Variants in BICD1 observed in about 807,000 individuals in gnomAD.
BICD1 encodes the protein protein bicaudal D homolog 1.
BICD1 carries 35 observed loss-of-function variants against 92.5 expected under a neutral mutation model. The ratio of observed to expected loss-of-function variants is 0.38; its 90% CI spans 0.29 to 0.50. The LOEUF (loss-of-function observed/expected upper bound fraction) is 0.50, where lower values mean the gene tolerates loss of function less well. Among genes scored for constraint, BICD1 ranks in the 20% least tolerant of loss-of-function variants. BICD1 has a pLI of 0.93. For missense variants in BICD1, 950 were observed against 1,189.8 expected (o/e 0.80, Z 2.97); for synonymous variants, 429 against 465.1 (o/e 0.92, Z 1.00).
intron 2 of BICD1, among the ~76,000 whole-genome samples, chr12:32,244,669 G>A (rs901084943): frequency 7.6e-5 from 11 of 144,378 alleles, no homozygotes; most frequent in South Asian, 2.2e-4. Flanking sequence ...TCACTCTGTC[G>A]CCAGGCTGGA....
chr12:32,341,676 C>T (rs931129424), intron 8 of BICD1, among the ~76,000 whole-genome samples: 2 of 152,048 alleles, frequency 1.3e-5, no homozygotes, highest in Non-Finnish European at 2.9e-5. Context: ...ACCAGATTAA[C>T]GCTTAGTAAA....
intron 1 of BICD1, among the ~76,000 whole-genome samples, chr12:32,211,307 A>G (rs912612588): frequency 4.6e-5 from 7 of 152,210 alleles, no homozygotes; most frequent in South Asian, 4.1e-4. Context: ...CATAAATATC[A>G]TGGCTAATTT....
intron 8 of BICD1, among the ~76,000 whole-genome samples, chr12:32,345,045 G>A (rs1417014557): frequency 6.6e-6 from 1 of 152,096 alleles, no homozygotes; most frequent in African/African-American, 2.4e-5. Flanking sequence ...CCAGCACTTC[G>A]GGAGGCCAAA....
intron 8 of BICD1, among the ~76,000 whole-genome samples, chr12:32,342,262 C>CT (rs1301054113): frequency 5.2e-4 from 39 of 75,146 alleles, no homozygotes; most frequent in Non-Finnish European, 7.1e-4. Flanking sequence ...GTTTTTTTTT[C>CT]TTTTTTTTTT....
chr12:32,119,702 T>C (rs1942074446), intron 1 of BICD1, among the ~76,000 whole-genome samples: 1 of 152,108 alleles, frequency 6.6e-6, no homozygotes, highest in South Asian at 2.1e-4. Context: ...CGAAACCCCA[T>C]CTCTATTAAA....
At chr12:32,377,425 C>A in intron 9 of BICD1, 115 bp from the exon 10 acceptor site, 1 of 810,904 alleles carries the variant, frequency 1.2e-6, no homozygotes. Flanking sequence ...ATTTACTGTG[C>A]AGATTTCTGT....
chr12:32,318,370 T>C (rs1161140246), intron 4 of BICD1, among the ~76,000 whole-genome samples: 15 of 152,284 alleles, frequency 9.9e-5, no homozygotes, highest in African/African-American at 3.4e-4. Context: ...CATTTGTTTG[T>C]ATCCTCTTTT....
intron 1 of BICD1, among the ~76,000 whole-genome samples, chr12:32,117,762 T>A (rs1044282059): frequency 1.5e-5 from 2 of 131,744 alleles, no homozygotes; most frequent in African/African-American, 2.8e-5. Flanking sequence ...ATATATATTT[T>A]TTTTTAAGAC....
chr12:32,248,904 G>T (rs908662204), intron 2 of BICD1, among the ~76,000 whole-genome samples: 1 of 152,192 alleles, frequency 6.6e-6, no homozygotes, highest in African/African-American at 2.4e-5. Flanking sequence ...CTTCCAGTGC[G>T]CATGTGGGCC....
chr12:32,339,245 C>T lies in BICD1; in HGVS notation c.2764+266C>T. 6 of 1,166,402 alleles carry T rather than the reference C, an allele frequency of 5.1e-6. No homozygotes were observed. In the South Asian group the frequency reaches 1.5e-4, roughly 29 times the overall value. The allele number at this position is 1,166,402 out of a possible 1,614,324, so 72.3% of individuals were successfully genotyped here. ...GGGATAGGTAAAGGGAAATTAGCAA[C>T]AAGCACAACGCACACACACTTGGAT... On this transcript the variant is annotated intron_variant, in intron 8 of 9. Transcript: ENST00000652176.
intron 1 of BICD1, among the ~76,000 whole-genome samples, chr12:32,182,681 A>G (rs769362562): frequency 6.6e-6 from 1 of 151,864 alleles, no homozygotes; most frequent in Admixed American, 6.6e-5. Flanking sequence ...GGCATTGTGC[A>G]TAATAAATAT....
At chr12:32,331,559 T>C (rs1937873043) in intron 5 of BICD1, among the ~76,000 whole-genome samples, 1 of 152,234 alleles carries the variant, frequency 6.6e-6, no homozygotes. Flanking sequence ...ACATGAAATT[T>C]ACTTATGTTT....
At chr12:32,270,119 TAAAAAAAAAAAAAAAAA>T (rs1303750557) in intron 2 of BICD1, among the ~76,000 whole-genome samples, 786 of 128,538 alleles carry the variant, frequency 6.1e-3, no homozygotes, top group East Asian at 0.014. Context: ...AGACTCCCTC[TAAAAAAAAAAAAAAAAA>T]TTATTATTAT....
At chr12:32,342,720 C>T (rs1279304469) in intron 8 of BICD1, among the ~76,000 whole-genome samples, 3 of 151,898 alleles carry the variant, frequency 2.0e-5, no homozygotes, top group African/African-American at 7.3e-5. Context: ...AGGTATGTGT[C>T]GTTTAAAAAT....
chr12:32,293,973 C>CT (rs1947792374), intron 2 of BICD1, 21 bp from the exon 3 acceptor site: 4 of 1,605,180 alleles, frequency 2.5e-6, no homozygotes, highest in Non-Finnish European at 3.4e-6. Context: ...TATATATTGA[C>CT]TGTTTACTCT....
At chr12:32,225,765 C>T (rs1945670484) in intron 2 of BICD1, among the ~76,000 whole-genome samples, 1 of 151,662 alleles carries the variant, frequency 6.6e-6, no homozygotes, top group Admixed American at 6.6e-5. Flanking sequence ...GGATTACAGG[C>T]ACCTACAACC....
Position 32,258,909 on chromosome 12 carries a change from G to C in BICD1, c.427-35085G>C, listed in dbSNP as rs142007278. Among the ~76,000 whole-genome samples, 3 of 152,184 alleles carry C rather than the reference G, an allele frequency of 2.0e-5. No individual in the cohort carries two copies. The South Asian group carries it at 6.2e-4, about 32-fold the overall frequency. ...ACCACAGGGAGGGGTTTAAGCCTCCGGATGACTGCGGGCAGGAATGGATAA... is the reference window on the plus strand; with the variant it reads ...ACCACAGGGAGGGGTTTAAGCCTCCCGATGACTGCGGGCAGGAATGGATAA... On this transcript the variant is annotated intron_variant, in intron 2 of 9. Coordinates refer to ENST00000652176, the MANE Select transcript of BICD1 (RefSeq NM_001714.4).
intron 4 of BICD1, among the ~76,000 whole-genome samples, chr12:32,311,532 G>A (rs1419028672): frequency 1.3e-5 from 2 of 152,108 alleles, no homozygotes; most frequent in African/African-American, 2.4e-5. Context: ...CATTGGTTTG[G>A]TTCAGAAAGG....
At chr12:32,294,264 A>G in intron 3 of BICD1, 118 bp downstream of exon 3, 3 of 1,038,098 alleles carry the variant, frequency 2.9e-6, no homozygotes, top group African/African-American at 3.3e-5. Flanking sequence ...TCTCTATAAC[A>G]TTTATGTACT....
Sources: gnomAD v4.1 joint callset for allele counts (sites outside exome capture counted in the v4.1 genomes callset) on GRCh38, gnomAD v4.1.1 for gene constraint, MANE v1.5 for transcripts, NCBI Gene and HGNC (gene_info 2026-07-23, HGNC 2026-07-21) for gene names.